Variants in ADGRL2 observed in about 807,000 individuals in gnomAD.
ADGRL2 encodes adhesion G protein-coupled receptor L2.
In ADGRL2, 44 loss-of-function variants were observed where a neutral mutation model predicts 157.4. The ratio of observed to expected loss-of-function variants is 0.28; its 90% CI spans 0.22 to 0.36. The LOEUF is 0.36. Ranked by LOEUF, ADGRL2 falls within the 10% of genes least tolerant of loss-of-function variation. The probability of loss-of-function intolerance (pLI) is 1.00; values close to 1 mark genes in which losing one functional copy is unlikely to be tolerated. For missense variants in ADGRL2, 1,510 were observed against 1,768.9 expected, an observed-to-expected ratio of 0.85 and a Z score of 2.63; for synonymous variants, 585 against 624.7, an observed-to-expected ratio of 0.94 and a Z score of 0.95.
chr1:81,611,558 C>G (rs563108855), intron 3 of ADGRL2, among the ~76,000 whole-genome samples: 1 of 152,286 alleles, frequency 6.6e-6, no homozygotes, highest in Non-Finnish European at 1.5e-5. Context: ...ACAGACTTTT[C>G]TATGTATAAT....
chr1:81,739,922 A>C (rs887587188), intron 1 of ADGRL2, among the ~76,000 whole-genome samples: 1 of 152,218 alleles, frequency 6.6e-6, no homozygotes, highest in African/African-American at 2.4e-5. Context: ...ACATACATGC[A>C]CAAACACATA....
intron 21 of ADGRL2, among the ~76,000 whole-genome samples, chr1:81,986,105 A>AT (rs1437359784): frequency 6.6e-6 from 1 of 152,094 alleles, no homozygotes; most frequent in African/African-American, 2.4e-5. Flanking sequence ...ATTTTAAGAT[A>AT]TTTTTATCCA....
intron 1 of ADGRL2, among the ~76,000 whole-genome samples, chr1:81,821,207 G>A (rs1440194706): frequency 6.6e-6 from 1 of 152,092 alleles, no homozygotes; most frequent in Non-Finnish European, 1.5e-5. Flanking sequence ...GATAAAATAC[G>A]TAAAGAAAGT....
intron 1 of ADGRL2, among the ~76,000 whole-genome samples, chr1:81,832,355 G>A (rs1162162255): frequency 1.3e-5 from 2 of 152,124 alleles, no homozygotes; most frequent in Non-Finnish European, 2.9e-5. Context: ...ATGTTGGTCA[G>A]GCTGGTCTCG....
intron 2 of ADGRL2, among the ~76,000 whole-genome samples, chr1:81,511,604 T>G (rs541963089): frequency 6.6e-6 from 1 of 152,244 alleles, no homozygotes; most frequent in African/African-American, 2.4e-5. Flanking sequence ...GTGGCCAAAG[T>G]ATTTTATTTT....
At chr1:81,904,090 G>T (rs2094542077) in intron 2 of ADGRL2, among the ~76,000 whole-genome samples, 1 of 151,976 alleles carries the variant, frequency 6.6e-6, no homozygotes, top group Non-Finnish European at 1.5e-5. Context: ...AATTTATGTT[G>T]TGTTAATCAC....
chr1:81,645,420 T>A (rs1380707295), intron 3 of ADGRL2, among the ~76,000 whole-genome samples: 168 of 121,778 alleles, frequency 1.4e-3, no homozygotes, highest in African/African-American at 2.2e-3. Context: ...AAAAAAAAAA[T>A]TAAATTAAAT....
chr1:81,595,405 A>G (rs1000031259), intron 3 of ADGRL2, among the ~76,000 whole-genome samples: 1 of 152,186 alleles, frequency 6.6e-6, no homozygotes, highest in Non-Finnish European at 1.5e-5. Context: ...TCTCAAGGGT[A>G]TTTTTGCAGG....
At chr1:81,916,639 G>A (rs576529658) in intron 3 of ADGRL2, among the ~76,000 whole-genome samples, 1 of 151,982 alleles carries the variant, frequency 6.6e-6, no homozygotes, top group South Asian at 2.1e-4. Flanking sequence ...ATTTCCTATG[G>A]CATTTTTATT....
At chr1:81,599,631 C>T (rs938142963) in intron 3 of ADGRL2, among the ~76,000 whole-genome samples, 1 of 152,014 alleles carries the variant, frequency 6.6e-6, no homozygotes, top group East Asian at 1.9e-4. Flanking sequence ...TAGTTAAAAT[C>T]AACATAATAA....
At chr1:81,582,375 T>A (rs912730213) in intron 3 of ADGRL2, among the ~76,000 whole-genome samples, 1 of 152,172 alleles carries the variant, frequency 6.6e-6, no homozygotes, top group African/African-American at 2.4e-5. Context: ...TACTTTTGCA[T>A]GGCTTCTGTG....
chr1:81,309,814 C>T (rs1659616628), intron 1 of ADGRL2, among the ~76,000 whole-genome samples: 1 of 152,050 alleles, frequency 6.6e-6, no homozygotes, highest in Non-Finnish European at 1.5e-5. Context: ...GTTTTTCTGT[C>T]TAAAGAGCAA....
intron 1 of ADGRL2, among the ~76,000 whole-genome samples, chr1:81,810,119 A>G (rs1296794761): frequency 2.0e-5 from 3 of 151,940 alleles, no homozygotes; most frequent in African/African-American, 7.2e-5. Flanking sequence ...GTGTCTATTT[A>G]TAGAGCGAAC....
chr1:81,427,606 G>A (rs910645451), intron 1 of ADGRL2: 6 of 697,032 alleles, frequency 8.6e-6, no homozygotes, highest in Non-Finnish European at 1.6e-5. Flanking sequence ...GGAGCAGAAG[G>A]TTTTGAAAAC....
rs192661269 is a variant in ADGRL2, at chr1:81,591,877, C to T, written c.-143+10897C>T. ...AAAGTGGATACTTCCCCAGTTGAGCCTTCTGGTGACACCCTAGCCTTAGAT... is the reference window on the plus strand; with the variant it reads ...AAAGTGGATACTTCCCCAGTTGAGCTTTCTGGTGACACCCTAGCCTTAGAT... On this transcript the variant is annotated intron_variant, in intron 3 of 24. Transcript: ENST00000370721. Among the ~76,000 whole-genome samples the T allele has an allele frequency of 2.0e-5, 3 of 152,270 alleles. No individual in the cohort carries two copies. In the East Asian group the frequency reaches 5.8e-4, roughly 29 times the overall value.
intron 3 of ADGRL2, among the ~76,000 whole-genome samples, chr1:81,602,685 G>A (rs2148638981): frequency 6.6e-6 from 1 of 152,142 alleles, no homozygotes; most frequent in African/African-American, 2.4e-5. Context: ...GATCACATGA[G>A]GTCAGGAGTT....
chr1:81,941,899 AG>A, intron 4 of ADGRL2, 134 bp from the exon 5 acceptor site: 1 of 492,186 alleles, frequency 2.0e-6, no homozygotes, highest in Non-Finnish European at 3.6e-6. Context: ...TATCCAAAGT[AG>A]TACAGCTCTT....
At chr1:81,331,452 G>A (rs1661259940) in intron 1 of ADGRL2, among the ~76,000 whole-genome samples, 1 of 152,070 alleles carries the variant, frequency 6.6e-6, no homozygotes, top group Non-Finnish European at 1.5e-5. Context: ...CAAGTCACAG[G>A]CATGATACAG....
intron 2 of ADGRL2, among the ~76,000 whole-genome samples, chr1:81,905,958 G>A (rs924511528): frequency 4.0e-5 from 6 of 148,876 alleles, no homozygotes; most frequent in African/African-American, 1.5e-4. Context: ...GTGTGTGTGT[G>A]TGTGTGTGTG....
Sources: gnomAD v4.1 joint callset for allele counts (sites outside exome capture counted in the v4.1 genomes callset) on GRCh38, gnomAD v4.1.1 for gene constraint, MANE v1.5 for transcripts, NCBI Gene and HGNC (gene_info 2026-07-23, HGNC 2026-07-21) for gene names.